The following TYW1B variants were observed in gnomAD, a reference collection of about 807,000 sequenced individuals.
TYW1B encodes the protein S-adenosyl-L-methionine-dependent tRNA 4-demethylwyosine synthase TYW1B.
A neutral mutation model predicts 86.9 loss-of-function variants in TYW1B; 73 were observed. The observed-to-expected ratio is 0.84, with a 90% confidence interval of 0.70 to 1.02. TYW1B has a LOEUF of 1.02. Among genes scored for constraint, TYW1B ranks in the 50% least tolerant of loss-of-function variants. The probability of loss-of-function intolerance (pLI) is 0.00; values close to 1 mark genes in which losing one functional copy is unlikely to be tolerated. For synonymous variants in TYW1B, 248 were observed against 292.8 expected, an observed-to-expected ratio of 0.85 and a Z score of 1.56; for missense variants, 637 against 827.4, an observed-to-expected ratio of 0.77 and a Z score of 2.82.
At chr7:72,684,145 A>C (rs1380070630) in intron 11 of TYW1B, among the ~76,000 whole-genome samples, 1 of 152,222 alleles carries the variant, frequency 6.6e-6, no homozygotes, top group Non-Finnish European at 1.5e-5. Context: ...CAAAGAGAGA[A>C]AAGAACAAAA....
chr7:72,818,900 G>A (rs782225376), intron 2 of TYW1B, among the ~76,000 whole-genome samples: 1 of 152,128 alleles, frequency 6.6e-6, no homozygotes, highest in African/African-American at 2.4e-5. Flanking sequence ...CTGCCCTCAA[G>A]ATCTAAGCAC....
chr7:72,750,225 T>A (rs1179573349), intron 7 of TYW1B, among the ~76,000 whole-genome samples: 1 of 152,176 alleles, frequency 6.6e-6, no homozygotes, highest in Non-Finnish European at 1.5e-5. Context: ...AAGAACTTTC[T>A]TTAGCCAATA....
At position 72,686,467 on chromosome 7, in the gene TYW1B, G is replaced by A. The variant is rs13227629; in HGVS notation, c.1506+8220C>T. On this transcript the variant is annotated intron_variant, in intron 11 of 13. Coordinates refer to ENST00000620995, the MANE Select transcript of TYW1B (RefSeq NM_001145440.3). ...AAGCAAATCTGAAAAGGCTACATAC[G>A]GTATGATTCCAACTATATGACATTC... is the stretch of plus-strand genomic sequence containing the variant. Among the ~76,000 whole-genome samples the A allele has an allele frequency of 1.1e-4, 16 of 152,192 alleles. No individual in the cohort carries two copies. In the South Asian group the frequency reaches 2.7e-3, roughly 26 times the overall value.
intron 7 of TYW1B, among the ~76,000 whole-genome samples, chr7:72,754,423 G>A (rs1423819529): frequency 2.0e-5 from 3 of 151,338 alleles, no homozygotes; most frequent in South Asian, 2.1e-4. Context: ...TTACAGGCAC[G>A]AGCCACTGCA....
At chr7:72,708,810 A>T (rs559084403) in intron 10 of TYW1B, among the ~76,000 whole-genome samples, 1 of 152,338 alleles carries the variant, frequency 6.6e-6, no homozygotes, top group South Asian at 2.1e-4. Context: ...TGAAAGAATT[A>T]GTTTAAAAGT....
chr7:72,636,801 C>T (rs1412528840), intron 11 of TYW1B, among the ~76,000 whole-genome samples: 2 of 152,128 alleles, frequency 1.3e-5, no homozygotes, highest in Non-Finnish European at 2.9e-5. Context: ...ATTTAGTTTG[C>T]TGACCTTTTC....
chr7:72,727,536 A>C (rs1442454256), intron 9 of TYW1B, among the ~76,000 whole-genome samples: 1 of 152,144 alleles, frequency 6.6e-6, no homozygotes, highest in Non-Finnish European at 1.5e-5. Context: ...TTAGAAATGC[A>C]CATTCTCAGG....
chr7:72,678,043 CA>C lies in TYW1B; in HGVS notation c.1506+16643del, dbSNP rs150045085. Among the ~76,000 whole-genome samples, 113 of 152,200 alleles carry C rather than the reference CA, an allele frequency of 7.4e-4. No individual in the cohort carries two copies. In the East Asian group the frequency reaches 0.016, roughly 21 times the overall value. ...TAGCACTTGTTTACTCCACCTAGCC[CA>C]AGGTGAAGGTAATCATTTCTGGGAA... On this transcript the variant is annotated intron_variant, in intron 11 of 13. Coordinates refer to ENST00000620995, the MANE Select transcript of TYW1B (RefSeq NM_001145440.3).
At chr7:72,639,271 G>A (rs1362816651) in intron 11 of TYW1B, among the ~76,000 whole-genome samples, 1 of 150,520 alleles carries the variant, frequency 6.6e-6, no homozygotes, top group Non-Finnish European at 1.5e-5. Flanking sequence ...TTGTTTTTTT[G>A]AGACAGGGTT....
At chr7:72,716,682 A>C (rs1554456133) in intron 9 of TYW1B, among the ~76,000 whole-genome samples, 1 of 151,874 alleles carries the variant, frequency 6.6e-6, no homozygotes, top group Non-Finnish European at 1.5e-5. Flanking sequence ...CCTGTTGCCC[A>C]GGCAGGAGTG....
At position 72,736,964 on chromosome 7, in the gene TYW1B, G is replaced by A. The variant is rs535477022; in HGVS notation, c.1082+7520C>T. Among the ~76,000 whole-genome samples the A allele has an allele frequency of 2.6e-5, 4 of 152,210 alleles. No homozygotes were observed. The East Asian group carries it at 7.7e-4, about 29-fold the overall frequency. ...AATCGCTTGAACCCAGGAGACAGAG[G>A]TTACAGTGAGCCAAGATCACACCAC... On this transcript the variant is annotated intron_variant, in intron 8 of 13. Transcript: ENST00000620995.
At position 72,663,610 on chromosome 7, in the gene TYW1B, A is replaced by T. The variant is rs541061253; in HGVS notation, c.1506+31077T>A. On this transcript the variant is annotated intron_variant, in intron 11 of 13. Transcript: ENST00000620995. Reference sequence around the variant, plus strand: ...CGTCTTTACTAAATATATATATATAAAAAATTAGCCGGGCGTGGTGGCAGG... The same window carrying T: ...CGTCTTTACTAAATATATATATATATAAAATTAGCCGGGCGTGGTGGCAGG... Among the ~76,000 whole-genome samples the T allele has an allele frequency of 9.5e-3, 1,447 of 151,708 alleles. 25 individuals carry two copies. The highest frequency in any genetic ancestry group is 0.033 in the African/African-American group (1,347 of 41,378).
chr7:72,721,659 T>C (rs1175534578), intron 9 of TYW1B, among the ~76,000 whole-genome samples: 1 of 151,678 alleles, frequency 6.6e-6, no homozygotes, highest in Non-Finnish European at 1.5e-5. Flanking sequence ...CAGGCACACA[T>C]ACACGCACAT....
intron 7 of TYW1B, among the ~76,000 whole-genome samples, chr7:72,764,712 G>A (rs1394668859): frequency 3.9e-5 from 6 of 152,016 alleles, no homozygotes; most frequent in East Asian, 1.9e-4. Flanking sequence ...ACAGTACAAC[G>A]GTACTGCGTC....
chr7:72,790,081 G>A (rs1788194215), intron 6 of TYW1B, among the ~76,000 whole-genome samples: 1 of 151,110 alleles, frequency 6.6e-6, no homozygotes, highest in South Asian at 2.1e-4. Flanking sequence ...CCAAGTAGCT[G>A]GGATTACAGG....
At chr7:72,731,419 G>C (rs1248709953) in intron 8 of TYW1B, among the ~76,000 whole-genome samples, 1 of 64,304 alleles carries the variant, frequency 1.6e-5, no homozygotes, top group Non-Finnish European at 3.4e-5. Context: ...AAAAAAACAA[G>C]AGAGTAAGAA....
intron 8 of TYW1B, among the ~76,000 whole-genome samples, chr7:72,729,171 T>C (rs1209658051): frequency 6.6e-6 from 1 of 152,188 alleles, no homozygotes; most frequent in Non-Finnish European, 1.5e-5. Flanking sequence ...TTCACTCAAT[T>C]CCAGTTACAG....
chr7:72,779,658 G>A (rs1197147636), intron 6 of TYW1B, among the ~76,000 whole-genome samples: 6 of 135,950 alleles, frequency 4.4e-5, no homozygotes, highest in African/African-American at 8.2e-5. Flanking sequence ...CGGAGGTTAC[G>A]GTGAGCCAAG....
At chr7:72,673,813 A>G (rs1554446833) in intron 11 of TYW1B, among the ~76,000 whole-genome samples, 1 of 152,226 alleles carries the variant, frequency 6.6e-6, no homozygotes, top group African/African-American at 2.4e-5. Flanking sequence ...CACATTTTCT[A>G]TCACGTAATT....
Sources: allele counts gnomAD v4.1 joint callset (sites outside exome capture counted in the v4.1 genomes callset), GRCh38; gene constraint gnomAD v4.1.1; transcripts MANE v1.5; gene names NCBI Gene and HGNC (gene_info 2026-07-23, HGNC 2026-07-21).